The following RPS6KB1 variants were observed in gnomAD, a reference collection of about 807,000 sequenced individuals.
The protein encoded by RPS6KB1 is ribosomal protein S6 kinase beta-1.
In RPS6KB1, 12 loss-of-function variants were observed where a neutral mutation model predicts 70.2. The observed-to-expected ratio is 0.17, with a 90% CI of 0.11 to 0.28. The LOEUF (loss-of-function observed/expected upper bound fraction) is 0.28, where lower values mean the gene tolerates loss of function less well. RPS6KB1 is among the 10% of genes least tolerant of loss of function. RPS6KB1 has a pLI of 1.00. For synonymous variants in RPS6KB1, 175 were observed against 211.2 expected, an observed-to-expected ratio of 0.83 and a Z score of 1.49; for missense variants, 270 against 646.6, an observed-to-expected ratio of 0.42 and a Z score of 6.32.
intron 1 of RPS6KB1, among the ~76,000 whole-genome samples, chr17:59,898,172 G>A (rs1187383779): frequency 6.6e-6 from 1 of 151,992 alleles, no homozygotes; most frequent in Non-Finnish European, 1.5e-5. Flanking sequence ...AATCTTCTCT[G>A]CTCTCTATAG....
rs1049883905 is a variant in RPS6KB1 at position 59,900,162 on chromosome 17, T to G, written c.141+6837T>G. On this transcript the variant is annotated intron_variant, in intron 1 of 14. Transcript: ENST00000225577. ...CACTCCAGCCTGGGTGACAGAAACC[T>G]AATTGCTAAACACACACACACACAC... Among the ~76,000 whole-genome samples, 13 of 109,046 alleles carry G rather than the reference T, an allele frequency of 1.2e-4. 1 individual carries two copies. Among genetic ancestry groups the G allele is most frequent in the Non-Finnish European group, 1.3e-4 (7 of 53,404 alleles). 71.5% of individuals were successfully genotyped at this position (109,046 alleles called of 152,430 possible).
rs2045086622 is a variant in RPS6KB1 at position 59,949,229 on chromosome 17, CCTA to C, written c.*2445_*2447del. 1 of 152,562 alleles carries C rather than the reference CCTA, an allele frequency of 6.6e-6. No individual in the cohort carries two copies. The highest frequency in any genetic ancestry group is 1.5e-5 in the Non-Finnish European group (1 of 68,002). The allele number at this position is 152,562 out of a possible 1,614,324, so 9.5% of individuals were successfully genotyped here. A position where few individuals can be genotyped will look rare whatever the true frequency, so the allele number is the denominator to read the frequency against. On this transcript the variant is annotated 3_prime_UTR_variant, in exon 15 of 15. Transcript: ENST00000225577. ...AGAACTTGTTTCATAAATGGATATCCCTACTATGACTGTGAAAACATGTCAAGT... is the reference window on the plus strand; with the variant it reads ...AGAACTTGTTTCATAAATGGATATCCCTATGACTGTGAAAACATGTCAAGT...
At chr17:59,936,063 T>TC (rs1277389806) in intron 10 of RPS6KB1, 152 bp from the exon 11 acceptor site, 13 of 651,698 alleles carry the variant, frequency 2.0e-5, no homozygotes, top group Non-Finnish European at 3.4e-5. Flanking sequence ...TGCCTCAGCC[T>TC]CCCAAAGTGC....
intron 6 of RPS6KB1, chr17:59,931,014 A>C (rs1402533139): frequency 6.5e-6 from 1 of 153,288 alleles, no homozygotes; most frequent in African/African-American, 2.4e-5. Flanking sequence ...GTGCTTTTCG[A>C]ATCCAGACAG....
At position 59,935,184 on chromosome 17, in the gene RPS6KB1, T is replaced by C. The variant is rs2044158765; in HGVS notation, c.871-9T>C. The C allele has an allele frequency of 2.6e-6, 4 of 1,559,488 alleles. No individual in the cohort carries two copies. The highest frequency in any genetic ancestry group is 3.5e-6 in the Non-Finnish European group (4 of 1,135,974). On this transcript the variant is annotated splice_polypyrimidine_tract_variant and intron_variant, in intron 9 of 14. Coordinates refer to ENST00000225577, the MANE Select transcript of RPS6KB1 (RefSeq NM_003161.4). ...CTGCTAATATTTTTCACTTGTCTTC[T>C]ACTCTTAGCCCCCATTCACTGGGGA...
chr17:59,909,018 C>G (rs2042450458), intron 1 of RPS6KB1, among the ~76,000 whole-genome samples: 1 of 148,826 alleles, frequency 6.7e-6, no homozygotes, highest in Non-Finnish European at 1.5e-5. Context: ...TCTCTGCCTT[C>G]CAGGTTCAAG....
chr17:59,944,080 T>C (rs2044780737), intron 13 of RPS6KB1, among the ~76,000 whole-genome samples: 1 of 152,044 alleles, frequency 6.6e-6, no homozygotes, highest in Admixed American at 6.6e-5. Flanking sequence ...CTGTACCTCT[T>C]GGTAGTTACA....
In RPS6KB1 at chr17:59,915,785, T is replaced by A. The variant is rs866668831; in HGVS notation, c.381+1082T>A. On this transcript the variant is annotated intron_variant, in intron 4 of 14. Coordinates refer to ENST00000225577, the MANE Select transcript of RPS6KB1 (RefSeq NM_003161.4). Reference sequence around the variant, plus strand: ...CTGGCCTACTGCTATCTTTTTTTTTTTTTTTTTTTTTTTTATTGTGACAGA... The same window carrying A: ...CTGGCCTACTGCTATCTTTTTTTTTATTTTTTTTTTTTTTATTGTGACAGA... Among the ~76,000 whole-genome samples, 362 of 97,360 alleles carry A rather than the reference T, an allele frequency of 3.7e-3. 2 individuals are homozygous for A. Among genetic ancestry groups the A allele is most frequent in the Middle Eastern group, 0.037 (6 of 164 alleles). The allele number at this position is 97,360 out of a possible 152,430, so 63.9% of individuals were successfully genotyped here.
At chr17:59,896,998 A>G (rs997666173) in intron 1 of RPS6KB1, among the ~76,000 whole-genome samples, 3 of 152,142 alleles carry the variant, frequency 2.0e-5, no homozygotes, top group Non-Finnish European at 2.9e-5. Flanking sequence ...GTGAATTTAT[A>G]GACTTTAATT....
In RPS6KB1 at chr17:59,946,905, G is replaced by C; in HGVS notation, c.*117G>C. 6.5e-7 allele frequency: 1 copy of C among 1,530,792 alleles called. No individual in the cohort carries two copies. Among genetic ancestry groups the C allele is most frequent in the South Asian group, 1.3e-5 (1 of 76,970 alleles). 94.8% of individuals were successfully genotyped at this position (1,530,792 alleles called of 1,614,324 possible). A position where few individuals can be genotyped will look rare whatever the true frequency, so the allele number is the denominator to read the frequency against. ...TTCAGAGAGTCAATGTCATTACATA[G>C]AACACTTCAGACACAGGAAAAATAA... is the stretch of plus-strand genomic sequence containing the variant. On this transcript the variant is annotated 3_prime_UTR_variant, in exon 15 of 15. Transcript: ENST00000225577. The surrounding 1 kb of genome is among the most constrained non-coding windows in gnomAD (Gnocchi z 4.2).
intron 2 of RPS6KB1, among the ~76,000 whole-genome samples, chr17:59,911,047 C>A (rs2042600799): frequency 6.6e-6 from 1 of 152,178 alleles, no homozygotes; most frequent in Non-Finnish European, 1.5e-5. Flanking sequence ...GTTTGGGAGG[C>A]CAAGGTGGGC....
rs2045007682 is a variant in RPS6KB1, at chr17:59,947,671, A to T, written c.*883A>T. The T allele has an allele frequency of 4.4e-6, 4 of 908,848 alleles. No homozygotes were observed. The highest frequency in any genetic ancestry group is 7.0e-6 in the Non-Finnish European group (4 of 568,832). The allele number at this position is 908,848 out of a possible 1,614,324, so 56.3% of individuals were successfully genotyped here. A position where few individuals can be genotyped will look rare whatever the true frequency, so the allele number is the denominator to read the frequency against. On this transcript the variant is annotated 3_prime_UTR_variant, in exon 15 of 15. Transcript: ENST00000225577. ...CATTTCATCATTGTCCCGGGCCTGCATTGCACTGGAAAAAAAAATCGCCAC... is the reference window on the plus strand; with the variant it reads ...CATTTCATCATTGTCCCGGGCCTGCTTTGCACTGGAAAAAAAAATCGCCAC...
intron 2 of RPS6KB1, 57 bp downstream of exon 2, chr17:59,910,668 C>A: frequency 8.9e-7 from 1 of 1,118,034 alleles, no homozygotes; most frequent in Non-Finnish European, 1.3e-6. Flanking sequence ...TAGGTTTTAT[C>A]AGTTCTATTT....
In RPS6KB1 at chr17:59,941,859, C is replaced by CT. The variant is rs1197414948; in HGVS notation, c.1227+933dup. 5.4e-3 allele frequency among the ~76,000 whole-genome samples: 633 copies of CT among 117,062 alleles called. 2 individuals are homozygous for CT. The highest frequency in any genetic ancestry group is 0.012 in the Middle Eastern group (2 of 170). 76.8% of individuals were successfully genotyped at this position (117,062 alleles called of 152,430 possible). A position where few individuals can be genotyped will look rare whatever the true frequency, so the allele number is the denominator to read the frequency against. The stretch of plus-strand genomic sequence containing the variant: ...ATGTTGGCCAGGATGGTCTCGATTT[C>CT]TTTTTTTTTTTTTTTTTGAGAAGGA... On this transcript the variant is annotated intron_variant, in intron 13 of 14. Coordinates refer to ENST00000225577, the MANE Select transcript of RPS6KB1 (RefSeq NM_003161.4).
At chr17:59,939,785 T>TA (rs1406780707) in intron 12 of RPS6KB1, among the ~76,000 whole-genome samples, 3 of 152,152 alleles carry the variant, frequency 2.0e-5, no homozygotes, top group African/African-American at 7.2e-5. Context: ...CTCCAGGGAG[T>TA]GCAGGTTCAC....
In RPS6KB1 at chr17:59,934,999, C is replaced by T. The variant is rs1421540194; in HGVS notation, c.871-194C>T. The stretch of plus-strand genomic sequence containing the variant: ...CTAAGGATTATTAATAGAATCTAGC[C>T]TTGACAACATAGTTGAGACCCTGTC... On this transcript the variant is annotated intron_variant, in intron 9 of 14. Coordinates refer to ENST00000225577, the MANE Select transcript of RPS6KB1 (RefSeq NM_003161.4). The surrounding 1 kb of genome is among the most constrained non-coding windows in gnomAD (Gnocchi z 4.8). 4.1e-6 allele frequency: 2 copies of T among 490,572 alleles called. No individual in the cohort carries two copies. Among genetic ancestry groups the T allele is most frequent in the South Asian group, 2.5e-5 (1 of 40,326 alleles). The allele number at this position is 490,572 out of a possible 1,614,324, so 30.4% of individuals were successfully genotyped here.
intron 4 of RPS6KB1, among the ~76,000 whole-genome samples, chr17:59,925,331 C>T (rs531728797): frequency 6.6e-6 from 1 of 152,228 alleles, no homozygotes; most frequent in South Asian, 2.1e-4. Flanking sequence ...TTATACCTGG[C>T]ATGTCTAAAA....
intron 4 of RPS6KB1, among the ~76,000 whole-genome samples, chr17:59,918,719 A>T (rs983139454): frequency 6.7e-6 from 1 of 150,366 alleles, no homozygotes; most frequent in Non-Finnish European, 1.5e-5. Flanking sequence ...TGTTTTACGC[A>T]TGTTCTTTTT....
intron 1 of RPS6KB1, among the ~76,000 whole-genome samples, chr17:59,908,997 G>T (rs2042449110): frequency 6.7e-6 from 1 of 148,946 alleles, no homozygotes; most frequent in Admixed American, 6.8e-5. Context: ...CGCGATCTCG[G>T]CTCACTGCCA....
Sources: allele counts gnomAD v4.1 joint callset (sites outside exome capture counted in the v4.1 genomes callset), GRCh38; gene constraint gnomAD v4.1.1; non-coding constraint Gnocchi (gnomAD v3.1); transcripts MANE v1.5; gene names NCBI Gene and HGNC (gene_info 2026-07-23, HGNC 2026-07-21).